Variants in KLF8 observed in about 807,000 individuals in gnomAD.
The protein encoded by KLF8 is KLF transcription factor 8, also known as Krueppel-like factor 8.
A neutral mutation model predicts 18.2 loss-of-function variants in KLF8; 10 were observed. The ratio of observed to expected loss-of-function variants is 0.55; its 90% CI spans 0.34 to 0.93. The LOEUF (loss-of-function observed/expected upper bound fraction) is 0.93, where lower values mean the gene tolerates loss of function less well. KLF8 is among the 40% of genes least tolerant of loss of function. The pLI is 0.02. For synonymous variants in KLF8, 109 were observed against 97.3 expected, an observed-to-expected ratio of 1.12 and a Z score of -0.71; for missense variants, 264 against 277.9, an observed-to-expected ratio of 0.95 and a Z score of 0.36.
the KLF8 span, among the ~76,000 whole-genome samples, chrX:56,059,738 G>T: frequency 0.53 from 58,239 of 110,550 alleles, 13,714 homozygotes; most frequent in East Asian, 0.76. Flanking sequence ...CCAGTACCGT[G>T]CTGTTTTGTT....
chrX:56,036,641 A>C, the KLF8 span, among the ~76,000 whole-genome samples: 1 of 112,033 alleles, frequency 8.9e-6, no homozygotes, highest in African/African-American at 3.2e-5. Flanking sequence ...CTTTTTGCTC[A>C]AGATTGTTTT....
At chrX:56,099,334 G>C in the KLF8 span, among the ~76,000 whole-genome samples, 1 of 111,399 alleles carries the variant, frequency 9.0e-6, no homozygotes, top group African/African-American at 3.3e-5. Context: ...TGTTATGTGT[G>C]TTGTTTTTCT....
At chrX:56,083,511 C>T in the KLF8 span, among the ~76,000 whole-genome samples, 7 of 111,905 alleles carry the variant, frequency 6.3e-5, no homozygotes, top group Non-Finnish European at 1.1e-4. Context: ...TATCTCATAG[C>T]AATAGTAGCA....
the KLF8 span, among the ~76,000 whole-genome samples, chrX:56,148,947 C>T: frequency 8.9e-6 from 1 of 112,046 alleles, no homozygotes; most frequent in African/African-American, 3.2e-5. Flanking sequence ...ATTCATTTAC[C>T]AAAGGCAGCA....
At chrX:56,054,864 T>G in the KLF8 span, among the ~76,000 whole-genome samples, 17 of 112,200 alleles carry the variant, frequency 1.5e-4, no homozygotes, top group Non-Finnish European at 2.8e-4. Flanking sequence ...TTTGATGTTA[T>G]TGGTTTAAAA....
the KLF8 span, among the ~76,000 whole-genome samples, chrX:56,132,931 C>T: frequency 1.7e-4 from 19 of 111,114 alleles, no homozygotes; most frequent in South Asian, 1.1e-3. Context: ...TGGATAAATT[C>T]CTGGAAATAT....
the KLF8 span, among the ~76,000 whole-genome samples, chrX:55,924,412 T>C: frequency 4.5e-5 from 5 of 111,142 alleles, no homozygotes; most frequent in Non-Finnish European, 9.4e-5. Context: ...GCGTGTTTCA[T>C]TTTTTTTCTT....
the KLF8 span, among the ~76,000 whole-genome samples, chrX:56,001,205 C>CT: frequency 8.9e-6 from 1 of 112,169 alleles, no homozygotes; most frequent in Non-Finnish European, 1.9e-5. Flanking sequence ...ACAATGTGTA[C>CT]TTTTTTCTTG....
At chrX:56,160,860 C>A in the KLF8 span, among the ~76,000 whole-genome samples, 5 of 111,291 alleles carry the variant, frequency 4.5e-5, no homozygotes, top group Non-Finnish European at 9.4e-5. Flanking sequence ...CAGTCTGTGT[C>A]TTTTAATTGG....
the KLF8 span, among the ~76,000 whole-genome samples, chrX:56,143,522 G>A: frequency 9.6e-4 from 107 of 111,965 alleles, no homozygotes; most frequent in African/African-American, 2.7e-3. Flanking sequence ...GACATAGTAG[G>A]CATTCAAAGA....
At chrX:56,055,009 T>TGG in the KLF8 span, among the ~76,000 whole-genome samples, 1 of 111,967 alleles carries the variant, frequency 8.9e-6, no homozygotes, top group Non-Finnish European at 1.9e-5. Context: ...AGCTTGCCAA[T>TGG]GGGTCTTGGA....
At chrX:56,244,348 T>C (rs2066593676) in intron 1 of KLF8, among the ~76,000 whole-genome samples, 1 of 111,512 alleles carries the variant, frequency 9.0e-6, no homozygotes, top group Admixed American at 9.6e-5. Context: ...ACAACATGCC[T>C]GGCTAATTTT....
chrX:56,205,584 G>C, the KLF8 span, among the ~76,000 whole-genome samples: 1 of 112,001 alleles, frequency 8.9e-6, no homozygotes, highest in African/African-American at 3.2e-5. Context: ...GAGGATTTTT[G>C]CATCAATATT....
the KLF8 span, among the ~76,000 whole-genome samples, chrX:55,952,150 G>A: frequency 2.7e-5 from 3 of 112,017 alleles, no homozygotes; most frequent in African/African-American, 6.5e-5. Context: ...AATAATTGAC[G>A]ATTAAGATGT....
the KLF8 span, among the ~76,000 whole-genome samples, chrX:56,055,974 T>G: frequency 8.9e-6 from 1 of 111,835 alleles, no homozygotes; most frequent in East Asian, 2.8e-4. Flanking sequence ...ATTATTTTAT[T>G]TTGATTCTTA....
chrX:56,195,607 T>C, the KLF8 span, among the ~76,000 whole-genome samples: 4 of 112,289 alleles, frequency 3.6e-5, no homozygotes, highest in Non-Finnish European at 7.5e-5. Flanking sequence ...TGTGTTTGAT[T>C]GGTGTACCTG....
At chrX:56,282,777 G>T (rs765224219) in intron 5 of KLF8, among the ~76,000 whole-genome samples, 1 of 111,568 alleles carries the variant, frequency 9.0e-6, no homozygotes, top group East Asian at 2.8e-4. Flanking sequence ...TGTAGAAGAT[G>T]GGAAACAGAA....
chrX:55,950,648 C>G, the KLF8 span, among the ~76,000 whole-genome samples: 3 of 111,638 alleles, frequency 2.7e-5, no homozygotes, highest in African/African-American at 9.7e-5. Context: ...TCTAGGCAAG[C>G]CCCTGGAAAA....
the KLF8 span, among the ~76,000 whole-genome samples, chrX:56,148,783 CAGG>C: frequency 9.0e-6 from 1 of 111,478 alleles, no homozygotes; most frequent in African/African-American, 3.3e-5. Flanking sequence ...TATTCACTAC[CAGG>C]AGAACAGTAT....
Sources: gnomAD v4.1 joint callset for allele counts (sites outside exome capture counted in the v4.1 genomes callset) on GRCh38, gnomAD v4.1.1 for gene constraint, MANE v1.5 for transcripts, NCBI Gene and HGNC (gene_info 2026-07-23, HGNC 2026-07-21) for gene names.